The following TRIM9 variants were observed in gnomAD, a reference collection of about 807,000 sequenced individuals.
The protein encoded by TRIM9 is tripartite motif containing 9.
Under a neutral mutation model 78.3 loss-of-function variants are expected in TRIM9, and 26 were observed. The ratio of observed to expected loss-of-function variants is 0.33; its 90% CI spans 0.24 to 0.46. The LOEUF (loss-of-function observed/expected upper bound fraction) is 0.46. Ranked by LOEUF, TRIM9 falls within the 20% of genes least tolerant of loss-of-function variation. The pLI, the probability that TRIM9 is intolerant of heterozygous loss-of-function variation, is 1.00. For synonymous variants in TRIM9, 398 were observed against 416.5 expected, an observed-to-expected ratio of 0.96 and a Z score of 0.54; for missense variants, 787 against 1,036.4, an observed-to-expected ratio of 0.76 and a Z score of 3.30.
chr14:51,016,496 C>G (rs1175934322), intron 3 of TRIM9, among the ~76,000 whole-genome samples: 4 of 143,580 alleles, frequency 2.8e-5, no homozygotes, highest in Non-Finnish European at 4.6e-5. Flanking sequence ...CTCTCTCTCT[C>G]TAATAATAAT....
chr14:51,082,667 T>C (rs983951453), intron 1 of TRIM9, among the ~76,000 whole-genome samples: 6 of 152,208 alleles, frequency 3.9e-5, no homozygotes, highest in Admixed American at 6.5e-5. Context: ...AAAAATATTC[T>C]GGAATTAGAT....
intron 1 of TRIM9, among the ~76,000 whole-genome samples, chr14:51,044,874 G>A (rs866113516): frequency 5.9e-5 from 9 of 152,112 alleles, no homozygotes; most frequent in South Asian, 2.1e-4. Flanking sequence ...AGTTTCTGTC[G>A]GCAGTCATTT....
chr14:51,059,006 T>A (rs2061120290), intron 1 of TRIM9, among the ~76,000 whole-genome samples: 1 of 152,212 alleles, frequency 6.6e-6, no homozygotes, highest in African/African-American at 2.4e-5. Context: ...TCTAAGTTCT[T>A]TAGGGCAAGT....
At chr14:51,077,061 C>G (rs549612172) in intron 1 of TRIM9, among the ~76,000 whole-genome samples, 1 of 152,346 alleles carries the variant, frequency 6.6e-6, no homozygotes, top group East Asian at 1.9e-4. Context: ...GCCCTTTCTG[C>G]CATGCTCATT....
chr14:51,093,863 C>T (rs2064676994), intron 1 of TRIM9, among the ~76,000 whole-genome samples: 1 of 152,264 alleles, frequency 6.6e-6, no homozygotes, highest in Non-Finnish European at 1.5e-5. Context: ...GAGTCCCGCT[C>T]GCAGGCAGCG....
In TRIM9 at chr14:50,979,517, A is replaced by G. The variant is rs773954539; in HGVS notation, c.2195T>C (p.Ile732Thr). Reference protein sequence around the residue: ...TEGGITKGATIGVLLDLNRKN... With the variant: ...TEGGITKGATTGVLLDLNRKN... ...TCTATTTAAGTCGAGGAGGACCCCA[A>G]TTGTGGCCCCTTTTGTGATCCCTCC... Residue 732 changes from isoleucine (I) to threonine (T), a missense_variant, in exon 12 of 13, where the codon ATT becomes ACT. By Grantham distance (89) the Ile-to-Thr change is moderately conservative. Coordinates refer to ENST00000684578, the MANE Select transcript of TRIM9 (RefSeq NM_001387360.1). 3.1e-6 allele frequency: 5 copies of G among 1,614,034 alleles called. No homozygotes were observed. The highest frequency in any genetic ancestry group is 4.5e-5 in the East Asian group (2 of 44,888).
intron 1 of TRIM9, among the ~76,000 whole-genome samples, chr14:51,048,000 A>G (rs1196739731): frequency 6.6e-6 from 1 of 151,854 alleles, no homozygotes; most frequent in African/African-American, 2.4e-5. Context: ...CGTTAAGTGC[A>G]TAGTAAATGC....
At chr14:51,089,522 T>C (rs1429204671) in intron 1 of TRIM9, 4 of 152,216 alleles carry the variant, frequency 2.6e-5, no homozygotes, top group African/African-American at 9.6e-5. Context: ...TAATAGCATC[T>C]TTTCATGGCA....
intron 3 of TRIM9, among the ~76,000 whole-genome samples, chr14:51,022,572 G>T (rs181211696): frequency 7.1e-4 from 108 of 152,324 alleles, no homozygotes; most frequent in Non-Finnish European, 1.1e-3. Context: ...ATGAAGGCAA[G>T]AATTTTGATT....
chr14:51,054,852 C>T (rs553516782), intron 1 of TRIM9, among the ~76,000 whole-genome samples: 2 of 134,352 alleles, frequency 1.5e-5, no homozygotes, highest in South Asian at 2.4e-4. Context: ...TTTTTTGAGA[C>T]GGAGTCTGGC....
intron 1 of TRIM9, among the ~76,000 whole-genome samples, chr14:51,054,797 C>A (rs1292563307): frequency 6.6e-6 from 1 of 152,064 alleles, no homozygotes; most frequent in Non-Finnish European, 1.5e-5. Flanking sequence ...CCTCGGCCTC[C>A]CAAAGTGCTG....
intron 7 of TRIM9, among the ~76,000 whole-genome samples, chr14:50,992,382 G>A (rs934123343): frequency 3.3e-5 from 5 of 151,758 alleles, no homozygotes; most frequent in African/African-American, 4.8e-5. Context: ...GTTTGAGACC[G>A]GGCTGGGCAA....
chr14:51,007,104 G>T (rs2055907990), intron 5 of TRIM9, among the ~76,000 whole-genome samples: 1 of 152,086 alleles, frequency 6.6e-6, no homozygotes, highest in Non-Finnish European at 1.5e-5. Flanking sequence ...AAACCCTGAG[G>T]CTTTTACCCT....
intron 3 of TRIM9, among the ~76,000 whole-genome samples, chr14:51,014,951 T>C (rs1263313849): frequency 6.6e-6 from 1 of 152,182 alleles, no homozygotes; most frequent in African/African-American, 2.4e-5. Context: ...CTTCCTGCTT[T>C]CATCTGCACT....
intron 1 of TRIM9, among the ~76,000 whole-genome samples, chr14:51,027,490 C>T (rs1202782770): frequency 6.6e-6 from 1 of 151,340 alleles, no homozygotes; most frequent in Non-Finnish European, 1.5e-5. Flanking sequence ...CACACAAACA[C>T]CTGCTGACTG....
rs544715762 is a variant in TRIM9 at position 50,998,567 on chromosome 14, A to G, written c.1465-379T>C. Among the ~76,000 whole-genome samples, 188 of 152,352 alleles carry G rather than the reference A, an allele frequency of 1.2e-3. 1 individual carries two copies. The highest frequency in any genetic ancestry group is 2.4e-3 in the Non-Finnish European group (164 of 68,038). On this transcript the variant is annotated intron_variant, in intron 6 of 12. Coordinates refer to ENST00000684578, the MANE Select transcript of TRIM9 (RefSeq NM_001387360.1). ...TATTAACTTGGGATTGGTACAGTATATAGCCCCTACTGAGCTCCTTATCCA... is the reference window on the plus strand; with the variant it reads ...TATTAACTTGGGATTGGTACAGTATGTAGCCCCTACTGAGCTCCTTATCCA...
At chr14:51,043,713 T>G (rs1455221977) in intron 1 of TRIM9, among the ~76,000 whole-genome samples, 1 of 152,224 alleles carries the variant, frequency 6.6e-6, no homozygotes, top group Non-Finnish European at 1.5e-5. Context: ...ATATGAATTC[T>G]TTTTAGTTCT....
intron 7 of TRIM9, among the ~76,000 whole-genome samples, chr14:50,987,161 C>T (rs1445531698): frequency 6.6e-6 from 1 of 152,156 alleles, no homozygotes; most frequent in African/African-American, 2.4e-5. Flanking sequence ...CACAAAGGAA[C>T]TTTCTTCTCA....
At chr14:51,008,117 AGATTAGGGGTTT>A (rs976757258) in intron 5 of TRIM9, among the ~76,000 whole-genome samples, 4 of 152,208 alleles carry the variant, frequency 2.6e-5, no homozygotes, top group African/African-American at 9.6e-5. Context: ...GATGGAGAAA[AGATTAGGGGTTT>A]CCAGAGATTA....
Sources: allele counts gnomAD v4.1 joint callset (sites outside exome capture counted in the v4.1 genomes callset), GRCh38; gene constraint gnomAD v4.1.1; transcripts MANE v1.5; gene names NCBI Gene and HGNC (gene_info 2026-07-23, HGNC 2026-07-21).